Variants in ZNF330 observed in about 807,000 individuals in gnomAD.
ZNF330 encodes the protein nucleolar atypical zinc finger, also known as zinc finger protein 330.
A neutral mutation model predicts 45.5 loss-of-function variants in ZNF330; 31 were observed. The ratio of observed to expected loss-of-function variants is 0.68; its 90% CI spans 0.51 to 0.92. ZNF330 has a LOEUF of 0.92. Ranked by LOEUF, ZNF330 falls within the 40% of genes least tolerant of loss-of-function variation. ZNF330 has a pLI of 0.00. For synonymous variants in ZNF330, 138 were observed against 123.2 expected (o/e 1.12, Z -0.79); for missense variants, 356 against 387.4 (o/e 0.92, Z 0.68).
At chr4:141,231,510 T>C (rs1273384315) in intron 8 of ZNF330, 25 bp downstream of exon 8, 9 of 1,572,854 alleles carry the variant, frequency 5.7e-6, no homozygotes, top group Non-Finnish European at 7.7e-6. Context: ...TTTTTTCTTT[T>C]TAGATTTTGT....
chr4:141,224,564 T>C, intron 3 of ZNF330, 43 bp from the exon 4 acceptor site: 2 of 1,609,700 alleles, frequency 1.2e-6, no homozygotes, highest in Non-Finnish European at 1.7e-6. Context: ...TGACTTTTTA[T>C]CTGACATTGA....
intron 9 of ZNF330, among the ~76,000 whole-genome samples, chr4:141,233,110 T>G (rs1333419779): frequency 6.6e-6 from 1 of 152,110 alleles, no homozygotes; most frequent in Non-Finnish European, 1.5e-5. Flanking sequence ...TATGTAACTT[T>G]TTTTGTGAAG....
intron 7 of ZNF330, among the ~76,000 whole-genome samples, 180 bp downstream of exon 7, chr4:141,230,450 G>A (rs958654710): frequency 2.0e-5 from 3 of 152,076 alleles, no homozygotes; most frequent in Non-Finnish European, 4.4e-5. Flanking sequence ...AAATTTTTCA[G>A]CAGGGATGCC....
At chr4:141,222,282 CT>C in intron 1 of ZNF330, 83 bp from the exon 2 acceptor site, 3 of 1,472,486 alleles carry the variant, frequency 2.0e-6, no homozygotes, top group Non-Finnish European at 2.7e-6. Flanking sequence ...AAAAAGGACA[CT>C]TTGTTATACT....
In ZNF330 at chr4:141,229,632, A is replaced by T; in HGVS notation, c.353A>T (p.His118Leu). The T allele has an allele frequency of 1.9e-6, 3 of 1,613,280 alleles. No homozygotes were observed. The highest frequency in any genetic ancestry group is 2.5e-6 in the Non-Finnish European group (3 of 1,179,356). Residue 118 changes from histidine (H) to leucine (L), a missense_variant, in exon 6 of 10, where the codon CAT becomes CTT. His to Leu is a moderately conservative substitution (Grantham distance 99, BLOSUM62 -3). Transcript: ENST00000262990. ...CATGGTAGGAAATGTCTCAGTACAC[A>T]TGCTTGTGCCTGCCCTCTTACCGAT... is the stretch of plus-strand genomic sequence containing the variant. ...VCHGRKCLST[H>L]ACACPLTDAE... is the part of the protein sequence containing the mutation.
intron 8 of ZNF330, 39 bp from the exon 9 acceptor site, chr4:141,232,486 A>G (rs1728981813): frequency 1.7e-6 from 2 of 1,144,226 alleles, no homozygotes; most frequent in Non-Finnish European, 2.4e-6. Flanking sequence ...ATATTTTTAC[A>G]TTTTTATTTA....
Position 141,230,126 on chromosome 4 carries a change from A to ATTTTTTAAATTAAATT in ZNF330, c.419-40_419-39insTTTTTTAAATTAAATT, listed in dbSNP as rs749486341. Reference sequence around the variant, plus strand: ...ATAGATATGAGTTTTTTTAAATTAAAGTTTATCTTAATTACATTTGTGTTT... The same window carrying ATTTTTTAAATTAAATT: ...ATAGATATGAGTTTTTTTAAATTAAATTTTTTAAATTAAATTGTTTATCTTAATTACATTTGTGTTT... On this transcript the variant is annotated intron_variant, in intron 6 of 9. Transcript: ENST00000262990. 2.6e-5 allele frequency: 36 copies of ATTTTTTAAATTAAATT among 1,408,678 alleles called. No individual in the cohort carries two copies. The East Asian group carries it at 8.0e-4, about 31-fold the overall frequency. The allele number at this position is 1,408,678 out of a possible 1,614,324, so 87.3% of individuals were successfully genotyped here. A position where few individuals can be genotyped will look rare whatever the true frequency, so the allele number is the denominator to read the frequency against.
At chr4:141,226,626 T>C (rs1728810381) in intron 4 of ZNF330, 141 bp from the exon 5 acceptor site, 1 of 584,578 alleles carries the variant, frequency 1.7e-6, no homozygotes, top group Non-Finnish European at 3.1e-6. Flanking sequence ...TTTCTAGTTA[T>C]GTAAGCAGTA....
intron 6 of ZNF330, 82 bp from the exon 7 acceptor site, chr4:141,230,084 C>A: frequency 2.1e-6 from 2 of 945,988 alleles, no homozygotes; most frequent in Non-Finnish European, 3.2e-6. Context: ...AACTTACCAT[C>A]TCTTCTAAGC....
At chr4:141,226,041 CAGAT>C (rs942168797) in intron 4 of ZNF330, among the ~76,000 whole-genome samples, 42 of 152,110 alleles carry the variant, frequency 2.8e-4, no homozygotes, top group South Asian at 1.2e-3. Context: ...TGTGGAGTCT[CAGAT>C]GGATGATTAA....
intron 5 of ZNF330, 26 bp from the exon 6 acceptor site, chr4:141,229,545 T>G: frequency 1.2e-6 from 2 of 1,611,934 alleles, no homozygotes; most frequent in Non-Finnish European, 1.7e-6. Flanking sequence ...TGATAATGAT[T>G]ATGTATTCTT....
chr4:141,226,357 C>T (rs1728804399), intron 4 of ZNF330, among the ~76,000 whole-genome samples: 1 of 152,040 alleles, frequency 6.6e-6, no homozygotes, highest in Non-Finnish European at 1.5e-5. Context: ...TAACTTCAAA[C>T]CACAGTTTTT....
intron 7 of ZNF330, 120 bp downstream of exon 7, chr4:141,230,390 C>T: frequency 1.8e-6 from 1 of 566,922 alleles, no homozygotes; most frequent in Non-Finnish European, 3.0e-6. Context: ...TAATTTAACT[C>T]AGTCTTTATT....
rs1729043179 is a variant in ZNF330, at chr4:141,234,648, T to C, written c.*659T>C. On this transcript the variant is annotated 3_prime_UTR_variant, in exon 10 of 10. Transcript: ENST00000262990. ...AGAAATAGTATTATTACAGAAGCTT[T>C]ACCCAGGACATTTTATTTCTCTTTG... is the stretch of plus-strand genomic sequence containing the variant. 1 of 152,214 alleles carries C rather than the reference T, an allele frequency of 6.6e-6. No individual in the cohort carries two copies. Among genetic ancestry groups the C allele is most frequent in the Non-Finnish European group, 1.5e-5 (1 of 68,030 alleles). 9.4% of individuals were successfully genotyped at this position (152,214 alleles called of 1,614,324 possible). A position where few individuals can be genotyped will look rare whatever the true frequency, so the allele number is the denominator to read the frequency against.
chr4:141,231,517 T>A (rs553949331), intron 8 of ZNF330, 32 bp downstream of exon 8: 1 of 1,564,968 alleles, frequency 6.4e-7, no homozygotes, highest in Admixed American at 1.9e-5. Flanking sequence ...TTTTTAGATT[T>A]TGTTTTTAAT....
At chr4:141,232,926 G>A (rs1201129013) in intron 9 of ZNF330, among the ~76,000 whole-genome samples, 1 of 151,372 alleles carries the variant, frequency 6.6e-6, no homozygotes, top group Non-Finnish European at 1.5e-5. Flanking sequence ...TATTTTTGTT[G>A]AGTCTTCCTT....
upstream of ZNF330, among the ~76,000 whole-genome samples, chr4:141,220,618 C>A (rs1380718922): frequency 6.6e-6 from 1 of 152,238 alleles, no homozygotes; most frequent in Non-Finnish European, 1.5e-5. Context: ...CAGAATTCAA[C>A]ATGAATTTGC....
chr4:141,234,145 T>C lies in ZNF330; in HGVS notation c.*156T>C. 1 of 1,331,516 alleles carries C rather than the reference T, an allele frequency of 7.5e-7. No individual in the cohort carries two copies. The highest frequency in any genetic ancestry group is 9.7e-7 in the Non-Finnish European group (1 of 1,027,478). 82.5% of individuals were successfully genotyped at this position (1,331,516 alleles called of 1,614,324 possible). ...CAAGCAATAGGGTGTAGCGTTTTTATAGAACTGATAATCAGGCTTATGGCA... is the reference window on the plus strand; with the variant it reads ...CAAGCAATAGGGTGTAGCGTTTTTACAGAACTGATAATCAGGCTTATGGCA... On this transcript the variant is annotated 3_prime_UTR_variant, in exon 10 of 10. Transcript: ENST00000262990.
Position 141,233,723 on chromosome 4 carries a change from C to T in ZNF330, c.697C>T (p.Leu233=), listed in dbSNP as rs1729012952. ...TKDLSMSTRS[L]KFGRQTGGEE... ...TTGTCTGTCTTCTATAGCACGCTCC[C>T]TGAAATTTGGCAGGCAGACTGGAGG... Residue 233 remains leucine, a synonymous_variant, in exon 10 of 10, where the codon CTG becomes TTG. Transcript: ENST00000262990. 1 of 1,612,860 alleles carries T rather than the reference C, an allele frequency of 6.2e-7. No individual in the cohort carries two copies. Among genetic ancestry groups the T allele is most frequent in the African/African-American group, 1.3e-5 (1 of 74,934 alleles).
Sources: gnomAD v4.1 joint callset for allele counts (sites outside exome capture counted in the v4.1 genomes callset) on GRCh38, gnomAD v4.1.1 for gene constraint, MANE v1.5 for transcripts, NCBI Gene and HGNC (gene_info 2026-07-23, HGNC 2026-07-21) for gene names.